The following MS4A3 variants were observed in gnomAD, a reference collection of about 807,000 sequenced individuals.
MS4A3 encodes the protein membrane spanning 4-domains A3, also known as membrane-spanning 4-domains subfamily A member 3.
A neutral mutation model predicts 24.7 loss-of-function variants in MS4A3; 18 were observed. That is an observed-to-expected ratio of 0.73 (90% CI 0.50 to 1.08). MS4A3 has a LOEUF of 1.08. Ranked by LOEUF, MS4A3 falls within the 50% of genes least tolerant of loss-of-function variation. The probability of loss-of-function intolerance (pLI) is 0.00; values close to 1 mark genes in which losing one functional copy is unlikely to be tolerated. For missense variants in MS4A3, 282 were observed against 251.7 expected, an observed-to-expected ratio of 1.12 and a Z score of -0.82; for synonymous variants, 84 against 95.3, an observed-to-expected ratio of 0.88 and a Z score of 0.69.
rs1257476549 is a variant in MS4A3 at position 60,064,286 on chromosome 11, G to GT, written c.321dup (p.Val108CysfsTer39). On this transcript the variant is annotated frameshift_variant, in exon 4 of 7. Coordinates refer to ENST00000278865, the MANE Select transcript of MS4A3 (RefSeq NM_006138.5). LOFTEE classifies it high-confidence loss of function. Reference sequence around the variant, plus strand: ...GTTCTGTAGTTCAGGAACCTTGTCTGTTGTAGCAGGGATAAAACCCACAAG... The same window carrying GT: ...GTTCTGTAGTTCAGGAACCTTGTCTGTTTGTAGCAGGGATAAAACCCACAAG... The GT allele has an allele frequency of 6.2e-7, 1 of 1,604,448 alleles. No individual in the cohort carries two copies. The highest frequency in any genetic ancestry group is 8.5e-7 in the Non-Finnish European group (1 of 1,175,616).
intron 4 of MS4A3, among the ~76,000 whole-genome samples, chr11:60,064,697 C>A (rs1454926563): frequency 6.6e-6 from 1 of 152,178 alleles, no homozygotes; most frequent in Non-Finnish European, 1.5e-5. Context: ...CTTAGTGAGT[C>A]ACGTAGCCAC....
Position 60,062,567 on chromosome 11 carries a change from A to G in MS4A3, c.256A>G (p.Thr86Ala). ...YHFQKHFFFF[T>A]FYTGYPIWGA... ...CTTCCAAAAGCACTTCTTTTTCTTC[A>G]CCTTCTACACAGGCTACCCGATTTG... Residue 86 changes from threonine (T) to alanine (A), a missense_variant, in exon 3 of 7, where the codon ACC (threonine) becomes GCC (alanine). Physicochemically the swap from Thr to Ala is moderately conservative, Grantham distance 58. Coordinates refer to ENST00000278865, the MANE Select transcript of MS4A3 (RefSeq NM_006138.5). The G allele has an allele frequency of 6.2e-7, 1 of 1,613,654 alleles. No homozygotes were observed. Among genetic ancestry groups the G allele is most frequent in the South Asian group, 1.1e-5 (1 of 91,052 alleles).
At chr11:60,061,992 G>C (rs1855283847) in intron 2 of MS4A3, among the ~76,000 whole-genome samples, 1 of 152,270 alleles carries the variant, frequency 6.6e-6, no homozygotes, top group African/African-American at 2.4e-5. Context: ...TGTGCCTTTT[G>C]ACCAGCCATT....
intron 4 of MS4A3, 31 bp from the exon 5 acceptor site, chr11:60,066,920 A>G (rs774980278): frequency 1.5e-5 from 23 of 1,523,740 alleles, no homozygotes; most frequent in Admixed American, 8.3e-5. Context: ...CGTGCTGCAT[A>G]TATTAATTGA....
intron 5 of MS4A3, among the ~76,000 whole-genome samples, chr11:60,069,151 TTA>T (rs1855431186): frequency 6.6e-6 from 1 of 152,174 alleles, no homozygotes; most frequent in Admixed American, 6.5e-5. Context: ...GCTCAGTGTT[TTA>T]GTTTCTAGGG....
chr11:60,064,754 G>C (rs1290206770), intron 4 of MS4A3, among the ~76,000 whole-genome samples: 1 of 152,054 alleles, frequency 6.6e-6, no homozygotes, highest in African/African-American at 2.4e-5. Context: ...CCTCCTCCAT[G>C]GATAGCTATT....
At chr11:60,064,991 G>A (rs1479850840) in intron 4 of MS4A3, among the ~76,000 whole-genome samples, 1 of 152,068 alleles carries the variant, frequency 6.6e-6, no homozygotes, top group East Asian at 1.9e-4. Flanking sequence ...TTGAGTATAA[G>A]ATTCCATTCT....
intron 3 of MS4A3, 114 bp from the exon 4 acceptor site, chr11:60,064,148 A>G: frequency 1.8e-6 from 1 of 551,076 alleles, no homozygotes; most frequent in East Asian, 3.3e-5. Flanking sequence ...ATGTGAATTT[A>G]AAAGGGAGGT....
At chr11:60,060,962 C>T (rs1226394913) in intron 1 of MS4A3, 184 bp from the exon 2 acceptor site, 7 of 463,646 alleles carry the variant, frequency 1.5e-5, no homozygotes, top group Non-Finnish European at 2.6e-5. Context: ...CCGATGATGT[C>T]TACTACTCCA....
At position 60,071,036 on chromosome 11, in the gene MS4A3, A is replaced by T. The variant is rs1855467468; in HGVS notation, c.*803A>T. 1 of 152,252 alleles carries T rather than the reference A, an allele frequency of 6.6e-6. No homozygotes were observed. Among genetic ancestry groups the T allele is most frequent in the South Asian group, 2.1e-4 (1 of 4,838 alleles). The allele number at this position is 152,252 out of a possible 1,614,324, so 9.4% of individuals were successfully genotyped here. On this transcript the variant is annotated 3_prime_UTR_variant, in exon 7 of 7. Transcript: ENST00000278865. ...CTCTGATCTATTTTTCCTCATCTGT[A>T]AAATAGGTGTAATAATAACAACTAC... is the stretch of plus-strand genomic sequence containing the variant.
intron 5 of MS4A3, among the ~76,000 whole-genome samples, chr11:60,068,793 T>G (rs766080187): frequency 3.9e-5 from 6 of 152,130 alleles, no homozygotes; most frequent in Non-Finnish European, 8.8e-5. Context: ...CGTGTTTGTT[T>G]GCTGCATCTA....
At chr11:60,066,874 T>C in intron 4 of MS4A3, 77 bp from the exon 5 acceptor site, 1 of 1,148,282 alleles carries the variant, frequency 8.7e-7, no homozygotes, top group South Asian at 1.7e-5. Context: ...TCAATCAATG[T>C]TTGTTTCAAT....
chr11:60,061,563 A>G, intron 2 of MS4A3: 1 of 541,462 alleles, frequency 1.8e-6, no homozygotes, highest in Non-Finnish European at 3.4e-6. Flanking sequence ...TAGTAAATAC[A>G]TTTTCTCTTT....
Position 60,070,360 on chromosome 11 carries a change from A to G in MS4A3, c.*127A>G. 1.4e-6 allele frequency: 1 copy of G among 719,860 alleles called. No homozygotes were observed. The highest frequency in any genetic ancestry group is 1.8e-5 in the South Asian group (1 of 54,584). The allele number at this position is 719,860 out of a possible 1,614,324, so 44.6% of individuals were successfully genotyped here. On this transcript the variant is annotated 3_prime_UTR_variant, in exon 7 of 7. Coordinates refer to ENST00000278865, the MANE Select transcript of MS4A3 (RefSeq NM_006138.5). ...TAAAGCTCAATCCTTCTATCATGGC[A>G]CCAATCACAAGAACCTTGGACGTTT... is the stretch of plus-strand genomic sequence containing the variant.
chr11:60,061,327 C>A lies in MS4A3; in HGVS notation c.156+11C>A. 6.2e-7 allele frequency: 1 copy of A among 1,600,990 alleles called. No homozygotes were observed. The highest frequency in any genetic ancestry group is 1.1e-5 in the South Asian group (1 of 88,446). On this transcript the variant is annotated intron_variant, in intron 2 of 6. Transcript: ENST00000278865. Reference sequence around the variant, plus strand: ...TTACAAGTTCTTGGGGTAAGTCAGCCTTAGTTTAAACACTGATTTAAGAGG... The same window carrying A: ...TTACAAGTTCTTGGGGTAAGTCAGCATTAGTTTAAACACTGATTTAAGAGG...
At chr11:60,061,003 T>C (rs1399242057) in intron 1 of MS4A3, 143 bp from the exon 2 acceptor site, 11 of 631,522 alleles carry the variant, frequency 1.7e-5, no homozygotes, top group Admixed American at 3.7e-5. Context: ...TTGTACAAAC[T>C]CTGTTACTCT....
intron 3 of MS4A3, among the ~76,000 whole-genome samples, chr11:60,063,820 G>A (rs1407478227): frequency 6.6e-6 from 1 of 152,140 alleles, no homozygotes; most frequent in Admixed American, 6.5e-5. Flanking sequence ...AAGCTATGAG[G>A]ATGCAAAGGC....
chr11:60,062,047 T>A (rs1855284602), intron 2 of MS4A3, among the ~76,000 whole-genome samples: 1 of 152,106 alleles, frequency 6.6e-6, no homozygotes, highest in African/African-American at 2.4e-5. Flanking sequence ...TATTTTAAAT[T>A]TAAAAATTGG....
At chr11:60,069,998 T>C (rs1489600891) in intron 6 of MS4A3, among the ~76,000 whole-genome samples, 2 of 152,228 alleles carry the variant, frequency 1.3e-5, no homozygotes, top group African/African-American at 2.4e-5. Context: ...AAATTTTAGA[T>C]ATATTAACTG....
Sources: gnomAD v4.1 joint callset for allele counts (sites outside exome capture counted in the v4.1 genomes callset) on GRCh38, gnomAD v4.1.1 for gene constraint, MANE v1.5 for transcripts, NCBI Gene and HGNC (gene_info 2026-07-23, HGNC 2026-07-21) for gene names.